Variants in SPOCK1 observed in about 807,000 individuals in gnomAD.
SPOCK1 encodes testican-1.
Under a neutral mutation model 55.3 loss-of-function variants are expected in SPOCK1, and 23 were observed. That is an observed-to-expected ratio of 0.42 (90% CI 0.30 to 0.59). SPOCK1 has a LOEUF of 0.59. Among genes scored for constraint, SPOCK1 ranks in the 20% least tolerant of loss-of-function variants. SPOCK1 has a pLI of 0.22. For synonymous variants in SPOCK1, 226 were observed against 221.0 expected (o/e 1.02, Z -0.20); for missense variants, 499 against 552.5 (o/e 0.90, Z 0.97).
rs112771372 is a variant in SPOCK1 at position 137,341,990 on chromosome 5, C to T, written c.187-74935G>A. On this transcript the variant is annotated intron_variant, in intron 2 of 10. Transcript: ENST00000394945. ...TGATCCTTTACCATGTGACTGTGCTCGGTGACTTGCCAGAGAGCGCCAGGG... is the reference window on the plus strand; with the variant it reads ...TGATCCTTTACCATGTGACTGTGCTTGGTGACTTGCCAGAGAGCGCCAGGG... Among the ~76,000 whole-genome samples, 685 of 152,346 alleles carry T rather than the reference C, an allele frequency of 4.5e-3. 6 individuals carry two copies. Among genetic ancestry groups the T allele is most frequent in the African/African-American group, 0.015 (610 of 41,572 alleles).
chr5:137,339,748 C>A (rs760241544), intron 2 of SPOCK1, among the ~76,000 whole-genome samples: 4 of 152,122 alleles, frequency 2.6e-5, no homozygotes, highest in Non-Finnish European at 5.9e-5. Context: ...CAGAGACACC[C>A]AGATAATGCT....
At chr5:137,085,157 C>G (rs766759303) in intron 5 of SPOCK1, among the ~76,000 whole-genome samples, 5 of 152,068 alleles carry the variant, frequency 3.3e-5, no homozygotes, top group Admixed American at 1.3e-4. Flanking sequence ...ACCTCAGGGT[C>G]GGAGGGTTCC....
chr5:137,404,462 T>A (rs1297575071), intron 2 of SPOCK1, among the ~76,000 whole-genome samples: 1 of 146,406 alleles, frequency 6.8e-6, no homozygotes, highest in Non-Finnish European at 1.5e-5. Context: ...CAGGCTGGAG[T>A]GCAATGGCGC....
In SPOCK1 at chr5:137,420,482, AT is replaced by A. The variant is rs533843762; in HGVS notation, c.186+77890del. The stretch of plus-strand genomic sequence containing the variant: ...TATTGCCTCAATTTCAGAGCCTGTT[AT>A]TGGTCTATTCAGAGATTCAACTTCT... On this transcript the variant is annotated intron_variant, in intron 2 of 10. Transcript: ENST00000394945. Among the ~76,000 whole-genome samples, 8 of 152,210 alleles carry A rather than the reference AT, an allele frequency of 5.3e-5. No individual in the cohort carries two copies. In the South Asian group the frequency reaches 1.7e-3, roughly 32 times the overall value.
chr5:137,053,225 C>A (rs551213512), intron 6 of SPOCK1, among the ~76,000 whole-genome samples: 2 of 152,266 alleles, frequency 1.3e-5, no homozygotes, highest in East Asian at 3.9e-4. Flanking sequence ...AAGGAGGCAA[C>A]AAACCAAGGT....
intron 4 of SPOCK1, among the ~76,000 whole-genome samples, chr5:137,114,138 T>C (rs991561023): frequency 3.9e-5 from 6 of 152,152 alleles, no homozygotes; most frequent in Non-Finnish European, 8.8e-5. Flanking sequence ...TCAGAGATCC[T>C]AGGCTGGGCA....
chr5:137,302,841 T>C (rs945218908), intron 2 of SPOCK1, among the ~76,000 whole-genome samples: 13 of 152,156 alleles, frequency 8.5e-5, no homozygotes, highest in African/African-American at 3.1e-4. Flanking sequence ...TCTCAGTCTT[T>C]GGGGAGTTAT....
intron 3 of SPOCK1, among the ~76,000 whole-genome samples, chr5:137,240,115 A>T (rs1006461335): frequency 6.6e-6 from 1 of 152,248 alleles, no homozygotes; most frequent in African/African-American, 2.4e-5. Context: ...CACCAGAGCT[A>T]TAAGAATAAA....
intron 6 of SPOCK1, among the ~76,000 whole-genome samples, chr5:137,051,184 A>G (rs7732954): frequency 0.15 from 22,315 of 152,208 alleles, 2,025 homozygotes; most frequent in East Asian, 0.34. Flanking sequence ...CACACACACA[A>G]AATACAGTTT....
At chr5:137,290,391 G>A (rs1054868247) in intron 2 of SPOCK1, among the ~76,000 whole-genome samples, 1 of 152,094 alleles carries the variant, frequency 6.6e-6, no homozygotes, top group African/African-American at 2.4e-5. Context: ...TTCAAAAAAG[G>A]GCAAAACTAA....
chr5:137,462,746 TA>T (rs1174689673), intron 2 of SPOCK1, among the ~76,000 whole-genome samples: 1 of 152,172 alleles, frequency 6.6e-6, no homozygotes, highest in Non-Finnish European at 1.5e-5. Context: ...ATAATGCCCT[TA>T]AAAGGTTAAG....
At chr5:137,361,667 A>T (rs1269613255) in intron 2 of SPOCK1, among the ~76,000 whole-genome samples, 1 of 152,240 alleles carries the variant, frequency 6.6e-6, no homozygotes, top group East Asian at 1.9e-4. Flanking sequence ...CTGGGTGGTA[A>T]GATTTGGATG....
intron 6 of SPOCK1, among the ~76,000 whole-genome samples, chr5:137,002,364 G>A (rs1751168721): frequency 6.6e-6 from 1 of 151,960 alleles, no homozygotes; most frequent in Non-Finnish European, 1.5e-5. Flanking sequence ...ATGTGCATTA[G>A]TGGAGTAACG....
intron 2 of SPOCK1, among the ~76,000 whole-genome samples, chr5:137,356,433 G>A (rs547713010): frequency 1.8e-4 from 28 of 152,184 alleles, no homozygotes; most frequent in African/African-American, 6.5e-4. Context: ...TAAGCAGAGA[G>A]TGCTCTTTTG....
chr5:137,166,821 C>T (rs1391107174), intron 3 of SPOCK1, among the ~76,000 whole-genome samples: 1 of 151,318 alleles, frequency 6.6e-6, no homozygotes, highest in African/African-American at 2.4e-5. Context: ...GATGAATACA[C>T]AAAAAACAAA....
In SPOCK1 at chr5:137,112,497, G is replaced by C. The variant is rs1189986828; in HGVS notation, c.412C>G (p.Pro138Ala). ...VGPSNLVKCK[P>A]CPVAQSAMVC... ...ATGGCTGACTGTGCCACGGGACAGG[G>C]CTTGCACTTGACCAAATTCGAAGGT... The change falls in exon 5 of 11, where the codon CCC becomes GCC. Residue 138 changes from proline (P) to alanine (A), a missense_variant. Transcript: ENST00000394945. The C allele has an allele frequency of 1.2e-6, 2 of 1,613,894 alleles. No homozygotes were observed. The highest frequency in any genetic ancestry group is 2.2e-5 in the South Asian group (2 of 91,058).
intron 4 of SPOCK1, among the ~76,000 whole-genome samples, chr5:137,130,023 A>G (rs1221149765): frequency 6.6e-6 from 1 of 152,114 alleles, no homozygotes; most frequent in African/African-American, 2.4e-5. Flanking sequence ...TTAACTATAA[A>G]CTAAGTTCTT....
intron 5 of SPOCK1, among the ~76,000 whole-genome samples, chr5:137,104,396 T>A (rs1000944274): frequency 6.6e-5 from 10 of 152,200 alleles, no homozygotes; most frequent in African/African-American, 1.4e-4. Context: ...ACCTCTTTTT[T>A]AAAAATAAAT....
At chr5:137,314,847 C>T (rs1757848889) in intron 2 of SPOCK1, among the ~76,000 whole-genome samples, 1 of 152,200 alleles carries the variant, frequency 6.6e-6, no homozygotes, top group Non-Finnish European at 1.5e-5. Context: ...ATTAGGCTCT[C>T]AGGACAACCC....
Sources: gnomAD v4.1 joint callset for allele counts (sites outside exome capture counted in the v4.1 genomes callset) on GRCh38, gnomAD v4.1.1 for gene constraint, MANE v1.5 for transcripts, NCBI Gene and HGNC (gene_info 2026-07-23, HGNC 2026-07-21) for gene names.